ZNF765: variants seen among roughly 807,000 people sequenced by gnomAD.
ZNF765 encodes the protein zinc finger protein 765.
A neutral mutation model predicts 44.7 loss-of-function variants in ZNF765; 37 were observed. The observed-to-expected ratio is 0.83, with a 90% confidence interval of 0.64 to 1.09. The LOEUF (loss-of-function observed/expected upper bound fraction) is 1.09. Ranked by LOEUF, ZNF765 falls within the 50% of genes least tolerant of loss-of-function variation. The probability of loss-of-function intolerance (pLI) is 0.00; values close to 1 mark genes in which losing one functional copy is unlikely to be tolerated. For missense variants in ZNF765, 594 were observed against 626.1 expected (o/e 0.95, Z 0.55); for synonymous variants, 201 against 213.7 (o/e 0.94, Z 0.52).
At chr19:53,400,644 C>CA (rs1156555704) in intron 2 of ZNF765, among the ~76,000 whole-genome samples, 1 of 151,702 alleles carries the variant, frequency 6.6e-6, no homozygotes, top group African/African-American at 2.4e-5. Flanking sequence ...TACATATACA[C>CA]ATGCACAAAT....
Position 53,397,895 on chromosome 19 carries a change from G to C in ZNF765, c.-73-48G>C, listed in dbSNP as rs567263148. The C allele has an allele frequency of 1.8e-4, 264 of 1,473,420 alleles. 2 individuals carry two copies. The South Asian group carries it at 3.1e-3, about 17-fold the overall frequency. The allele number at this position is 1,473,420 out of a possible 1,614,324, so 91.3% of individuals were successfully genotyped here. ...TGTATGTGTTGTTGTGTTACAGGGA[G>C]GGGATATGTTGATTCTGAGCAATAA... is the stretch of plus-strand genomic sequence containing the variant. On this transcript the variant is annotated intron_variant, in intron 1 of 3. Transcript: ENST00000396408.
chr19:53,414,434 A>ACC (rs1568785852), downstream of ZNF765, among the ~76,000 whole-genome samples: 2 of 51,800 alleles, frequency 3.9e-5, no homozygotes, highest in African/African-American at 7.8e-5. Flanking sequence ...GACCCTCCCC[A>ACC]CCACACACAC....
intron 2 of ZNF765, chr19:53,401,839 G>A: frequency 8.6e-7 from 1 of 1,159,514 alleles, no homozygotes; most frequent in Non-Finnish European, 1.2e-6. Context: ...CTGTGCCATT[G>A]CACTCCAGGC....
chr19:53,419,741 G>A (rs950047776), intron 3 of ZNF765, among the ~76,000 whole-genome samples: 11 of 152,138 alleles, frequency 7.2e-5, no homozygotes, highest in African/African-American at 2.2e-4. Flanking sequence ...AAATGTGGCC[G>A]GGGCAGTGGC....
At chr19:53,425,368 G>C (rs2147111046) in exon 4 of ZNF765, 1 of 152,168 alleles carries the variant, frequency 6.6e-6, no homozygotes, top group Admixed American at 6.5e-5. Context: ...GAATGCAATG[G>C]TGCCAACTTG....
At chr19:53,403,000 C>T (rs2085742143) in intron 3 of ZNF765, among the ~76,000 whole-genome samples, 1 of 151,988 alleles carries the variant, frequency 6.6e-6, no homozygotes, top group South Asian at 2.1e-4. Context: ...CAGGGTGAAA[C>T]CCCCTCTCTA....
At position 53,408,567 on chromosome 19, in the gene ZNF765, C is replaced by T. The variant is rs760840848; in HGVS notation, c.1012C>T (p.Gln338Ter). Residue 338 changes from glutamine (Q) to a stop codon, truncating the protein, a stop_gained, in exon 4 of 4, where the codon CAG (glutamine) becomes TAG (stop). Transcript: ENST00000396408. LOFTEE classifies it high-confidence loss of function. ...TAATGAGTGTGGCAAGACCTTTAGT[C>T]AGAAGTCGTACCTTACATGCCATCG... ...KCNECGKTFS[Q>*]KSYLTCHRRL... 2 of 1,611,844 alleles carry T rather than the reference C, an allele frequency of 1.2e-6. No individual in the cohort carries two copies. The highest frequency in any genetic ancestry group is 1.7e-6 in the Non-Finnish European group (2 of 1,178,936).
At chr19:53,396,218 TGG>T (rs1277628637) in intron 1 of ZNF765, among the ~76,000 whole-genome samples, 1 of 151,476 alleles carries the variant, frequency 6.6e-6, no homozygotes, top group Non-Finnish European at 1.5e-5. Flanking sequence ...GGAGGACACC[TGG>T]GGATCTGGGG....
intron 3 of ZNF765, among the ~76,000 whole-genome samples, chr19:53,417,374 GT>G (rs1355973070): frequency 1.3e-5 from 2 of 152,048 alleles, no homozygotes; most frequent in African/African-American, 4.8e-5. Flanking sequence ...GTGAGAACAT[GT>G]GGCATTTGGG....
chr19:53,401,988 C>G, intron 2 of ZNF765, 77 bp from the exon 3 acceptor site: 1 of 1,613,302 alleles, frequency 6.2e-7, no homozygotes, highest in Non-Finnish European at 8.5e-7. Flanking sequence ...ATGCCTTCAC[C>G]TCTCTCTTCT....
chr19:53,419,290 T>C (rs144168248), intron 3 of ZNF765, among the ~76,000 whole-genome samples: 13 of 152,330 alleles, frequency 8.5e-5, no homozygotes, highest in African/African-American at 2.4e-4. Flanking sequence ...CTGGAAATGA[T>C]TGGGATAAAT....
chr19:53,401,558 G>A (rs1169805557), intron 2 of ZNF765, among the ~76,000 whole-genome samples: 8 of 132,218 alleles, frequency 6.1e-5, no homozygotes, highest in African/African-American at 2.0e-4. Flanking sequence ...GCGAGACTCC[G>A]TCTCAAAAAA....
rs1199293591 is a variant in ZNF765, at chr19:53,409,984, T to G, written c.*857T>G. ...TTGCAAATCATTGGAGAATCCATAA[T>G]GAAGAGAGATCCTACAAGTGTGATA... is the stretch of plus-strand genomic sequence containing the variant. On this transcript the variant is annotated 3_prime_UTR_variant, in exon 4 of 4. Coordinates refer to ENST00000396408, the MANE Select transcript of ZNF765 (RefSeq NM_001040185.3). The G allele has an allele frequency of 3.7e-6, 2 of 544,996 alleles. No individual in the cohort carries two copies. Among genetic ancestry groups the G allele is most frequent in the Non-Finnish European group, 7.2e-6 (2 of 275,918 alleles). The allele number at this position is 544,996 out of a possible 1,614,324, so 33.8% of individuals were successfully genotyped here.
chr19:53,408,799 A>C lies in ZNF765; in HGVS notation c.1244A>C (p.Glu415Ala), dbSNP rs768044977. 2.5e-6 allele frequency: 4 copies of C among 1,614,206 alleles called. No homozygotes were observed. The East Asian group carries it at 6.7e-5, about 27-fold the overall frequency. ...GAAGAGAAACCTTACAAGTGTAATG[A>C]GTGTGGCAAGACCTTCAATCAGCAG... is the stretch of plus-strand genomic sequence containing the variant. ...HTEEKPYKCN[E>A]CGKTFNQQLT... Residue 415 changes from glutamate to alanine, a missense_variant, in exon 4 of 4, where the codon GAG becomes GCG. By Grantham distance (107) the Glu-to-Ala change is moderately radical. This residue lies in a region of ZNF765 where 567 missense variants were observed against 572.6 expected (regional missense o/e 0.99). Coordinates refer to ENST00000396408, the MANE Select transcript of ZNF765 (RefSeq NM_001040185.3).
Position 53,409,369 on chromosome 19 carries a change from AAATGTGAAG to A in ZNF765, c.*254_*262del. ...AAACTTCATAGTGGAGAGACCTTAC[AAATGTGAAG>A]AATGTGAAGAAGCTTTCTGTTTCAA... On this transcript the variant is annotated 3_prime_UTR_variant, in exon 4 of 4. Coordinates refer to ENST00000396408, the MANE Select transcript of ZNF765 (RefSeq NM_001040185.3). 3.6e-6 allele frequency: 3 copies of A among 838,678 alleles called. No homozygotes were observed. The highest frequency in any genetic ancestry group is 1.8e-5 in the Admixed American group (1 of 56,740). The allele number at this position is 838,678 out of a possible 1,614,324, so 52.0% of individuals were successfully genotyped here.
In ZNF765 at chr19:53,417,327, TG is replaced by T. The variant is rs375282192; in HGVS notation, c.143-5734del. On this transcript the variant is annotated intron_variant, in intron 3 of 3. Coordinates refer to the ZNF765 transcript ENST00000594030. ...CCCCAGTGTGTGTTGTTCCCCTCTA[TG>T]TATCTGTCTTCTCATCATTTACCTC... Among the ~76,000 whole-genome samples the T allele has an allele frequency of 6.2e-3, 942 of 152,258 alleles. 11 individuals carry two copies. The highest frequency in any genetic ancestry group is 0.021 in the African/African-American group (886 of 41,544).
chr19:53,409,619 G>A lies in ZNF765; in HGVS notation c.*492G>A, dbSNP rs2085814506. ...TTCATACTGGAGAGAAACCATACAA[G>A]TGTAATGAGTGTGGCAAGACCTTTA... On this transcript the variant is annotated 3_prime_UTR_variant, in exon 4 of 4. Coordinates refer to ENST00000396408, the MANE Select transcript of ZNF765 (RefSeq NM_001040185.3). 1 of 1,458,240 alleles carries A rather than the reference G, an allele frequency of 6.9e-7. No homozygotes were observed. The highest frequency in any genetic ancestry group is 9.6e-7 in the Non-Finnish European group (1 of 1,041,992). 90.3% of individuals were successfully genotyped at this position (1,458,240 alleles called of 1,614,324 possible). A position where few individuals can be genotyped will look rare whatever the true frequency, so the allele number is the denominator to read the frequency against.
At chr19:53,402,395 T>G (rs150432468) in intron 3 of ZNF765, among the ~76,000 whole-genome samples, 1,949 of 151,968 alleles carry the variant, frequency 0.013, 55 homozygotes, top group African/African-American at 0.045. Flanking sequence ...TAGCTGGGAC[T>G]ACAGGCACCC....
intron 3 of ZNF765, among the ~76,000 whole-genome samples, chr19:53,421,162 A>G (rs1389971871): frequency 6.6e-6 from 1 of 152,188 alleles, no homozygotes; most frequent in Non-Finnish European, 1.5e-5. Context: ...ATGTTTGTGT[A>G]CGTGCGCATC....
Sources: allele counts gnomAD v4.1 joint callset (sites outside exome capture counted in the v4.1 genomes callset), GRCh38; gene constraint gnomAD v4.1.1; regional missense constraint gnomAD v4.1.1; transcripts MANE v1.5; gene names NCBI Gene and HGNC (gene_info 2026-07-23, HGNC 2026-07-21).